PCDHGB3: variants seen among roughly 807,000 people sequenced by gnomAD.
The protein encoded by PCDHGB3 is protocadherin gamma subfamily B, 3.
PCDHGB3 carries 40 observed loss-of-function variants against 59.2 expected under a neutral mutation model. The ratio of observed to expected loss-of-function variants is 0.68; its 90% confidence interval spans 0.52 to 0.88. PCDHGB3 has a LOEUF of 0.88. Among genes scored for constraint, PCDHGB3 ranks in the 40% least tolerant of loss-of-function variants. The pLI, the probability that PCDHGB3 is intolerant of heterozygous loss-of-function variation, is 0.00. For synonymous variants in PCDHGB3, 581 were observed against 503.6 expected, an observed-to-expected ratio of 1.15 and a Z score of -2.06; for missense variants, 1,309 against 1,187.9, an observed-to-expected ratio of 1.10 and a Z score of -1.50.
In PCDHGB3 at chr5:141,423,089, G is replaced by C. The variant is rs201821221; in HGVS notation, c.2415+50280G>C. The stretch of plus-strand genomic sequence containing the variant: ...AGCGAGCCGGGACTCTTCGCGGTGG[G>C]GGAGCACACGGGCGAGGTGCGTACA... On this transcript the variant is annotated intron_variant, in intron 1 of 3. Transcript: ENST00000576222. 4.0e-5 allele frequency: 65 copies of C among 1,614,016 alleles called. No individual in the cohort carries two copies. In the African/African-American group the frequency reaches 7.2e-4, roughly 18 times the overall value.
At position 141,489,369 on chromosome 5, in the gene PCDHGB3, G is replaced by T; in HGVS notation, c.2416-5438G>T. ...TGGTGGAGGAGTCTGAGCCGGGGAC[G>T]CTGGTGGGGAATGTTGCTCAGGATC... On this transcript the variant is annotated intron_variant, in intron 1 of 3. Coordinates refer to ENST00000576222, the MANE Select transcript of PCDHGB3 (RefSeq NM_018924.5). This position sits in a 1 kb window ranked among gnomAD's most constrained non-coding sequence, Gnocchi z 4.5. 6.2e-7 allele frequency: 1 copy of T among 1,613,592 alleles called. No homozygotes were observed.
chr5:141,402,352 T>G (rs949706048), intron 1 of PCDHGB3, among the ~76,000 whole-genome samples: 1 of 151,978 alleles, frequency 6.6e-6, no homozygotes, highest in Non-Finnish European at 1.5e-5. Flanking sequence ...AAATTAAAAA[T>G]GAATGTACTT....
intron 1 of PCDHGB3, among the ~76,000 whole-genome samples, chr5:141,465,276 C>A (rs558169180): frequency 6.6e-6 from 1 of 152,254 alleles, no homozygotes; most frequent in South Asian, 2.1e-4. Context: ...CCATTTAGTT[C>A]ACCCCTAAAG....
At position 141,486,791 on chromosome 5, in the gene PCDHGB3, C is replaced by T. The variant is rs766519569; in HGVS notation, c.2416-8016C>T. 1.8e-5 allele frequency: 29 copies of T among 1,614,108 alleles called. No homozygotes were observed. The highest frequency in any genetic ancestry group is 2.2e-5 in the Non-Finnish European group (26 of 1,180,054). On this transcript the variant is annotated intron_variant, in intron 1 of 3. Coordinates refer to ENST00000576222, the MANE Select transcript of PCDHGB3 (RefSeq NM_018924.5). The surrounding 1 kb of genome is among the most constrained non-coding windows in gnomAD (Gnocchi z 5.0). ...GCAGTTTGAGGTGCAGGCCCGGGAT[C>T]GGGGCAACCCACCCCTTAGCAGCAC...
chr5:141,409,462 C>T (rs377705841), intron 1 of PCDHGB3: 3 of 1,613,988 alleles, frequency 1.9e-6, no homozygotes, highest in Non-Finnish European at 2.5e-6. Flanking sequence ...AATACAATGT[C>T]ACCATCGTAG....
intron 1 of PCDHGB3, among the ~76,000 whole-genome samples, chr5:141,444,315 G>A (rs2098431855): frequency 6.6e-6 from 1 of 151,946 alleles, no homozygotes; most frequent in South Asian, 2.1e-4. Flanking sequence ...AGGATTACAG[G>A]CATGTGCCAC....
rs545544226 is a variant in PCDHGB3, at chr5:141,376,066, C to T, written c.2415+3257C>T. 2.3e-5 allele frequency: 37 copies of T among 1,613,396 alleles called. 2 individuals are homozygous for T. The South Asian group carries it at 3.6e-4, about 16-fold the overall frequency. ...CTCTCTCCGCCACTGTCACGCTCACCGTGGCCGTGGCCGACAGGATCCCCG... is the reference window on the plus strand; with the variant it reads ...CTCTCTCCGCCACTGTCACGCTCACTGTGGCCGTGGCCGACAGGATCCCCG... On this transcript the variant is annotated intron_variant, in intron 1 of 3. Transcript: ENST00000576222.
At chr5:141,510,353 C>T (rs74759939) in intron 3 of PCDHGB3, among the ~76,000 whole-genome samples, 2 of 146,504 alleles carry the variant, frequency 1.4e-5, no homozygotes, top group African/African-American at 5.0e-5. Context: ...CACTTACTAA[C>T]GGAACTACCG....
At position 141,499,506 on chromosome 5, in the gene PCDHGB3, CA is replaced by C. The variant is rs759983739; in HGVS notation, c.2474+4644del. Among the ~76,000 whole-genome samples, 6 of 152,086 alleles carry C rather than the reference CA, an allele frequency of 3.9e-5. No homozygotes were observed. The South Asian group carries it at 1.0e-3, about 26-fold the overall frequency. On this transcript the variant is annotated intron_variant, in intron 2 of 3. Coordinates refer to ENST00000576222, the MANE Select transcript of PCDHGB3 (RefSeq NM_018924.5). Reference sequence around the variant, plus strand: ...AACTACAGTTTAATATGAAACATTTCAAATATGTACAAAAGTAGAGAGAATG... The same window carrying C: ...AACTACAGTTTAATATGAAACATTTCAATATGTACAAAAGTAGAGAGAATG...
chr5:141,422,499 A>G lies in PCDHGB3; in HGVS notation c.2415+49690A>G. 3 of 1,614,036 alleles carry G rather than the reference A, an allele frequency of 1.9e-6. No homozygotes were observed. The South Asian group carries it at 3.3e-5, about 18-fold the overall frequency. On this transcript the variant is annotated intron_variant, in intron 1 of 3. Coordinates refer to ENST00000576222, the MANE Select transcript of PCDHGB3 (RefSeq NM_018924.5). ...TCCAGAGCTACAATATAACGTTGAC[A>G]GCCACAGACCAGGGAAGCCCGCCTT...
chr5:141,431,389 G>T lies in PCDHGB3; in HGVS notation c.2415+58580G>T, dbSNP rs1213370298. 1 of 1,613,876 alleles carries T rather than the reference G, an allele frequency of 6.2e-7. No homozygotes were observed. Among genetic ancestry groups the T allele is most frequent in the Admixed American group, 1.7e-5 (1 of 60,028 alleles). On this transcript the variant is annotated intron_variant, in intron 1 of 3. Transcript: ENST00000576222. This position sits in a 1 kb window ranked among gnomAD's most constrained non-coding sequence, Gnocchi z 4.8. ...GCGAAGAAAAGGCTGCTCACCACCT[G>T]GTCCTTACGGCCTCCGACGGGGGCG...
intron 1 of PCDHGB3, chr5:141,389,664 G>A (rs1182835621): frequency 5.0e-6 from 8 of 1,612,210 alleles, no homozygotes; most frequent in Admixed American, 1.7e-5. Context: ...GGCGGTGGAC[G>A]CAGACTCAGG....
chr5:141,463,535 G>A (rs1178825067), intron 1 of PCDHGB3, among the ~76,000 whole-genome samples: 4 of 137,928 alleles, frequency 2.9e-5, no homozygotes, highest in East Asian at 2.3e-4. Context: ...TAGAAACTCC[G>A]GCTCCCGGGT....
chr5:141,438,623 TATATATATATATACACAC>T (rs1435936123), intron 1 of PCDHGB3, among the ~76,000 whole-genome samples: 532 of 42,826 alleles, frequency 0.012, 5 homozygotes, highest in African/African-American at 0.075. Flanking sequence ...TATATATATA[TATATATATATATACACAC>T]ACACACACAC....
chr5:141,375,603 T>C, intron 1 of PCDHGB3: 4 of 1,614,158 alleles, frequency 2.5e-6, no homozygotes, highest in South Asian at 1.1e-5. Flanking sequence ...TACGTGTCCA[T>C]CAACTCCGAC....
At chr5:141,394,311 C>G in intron 1 of PCDHGB3, 3 of 1,613,986 alleles carry the variant, frequency 1.9e-6, no homozygotes, top group Non-Finnish European at 1.7e-6. Context: ...GCAGGGGGCG[C>G]CCCTGTCCTC....
rs143939286 is a variant in PCDHGB3 at position 141,427,522 on chromosome 5, T to C, written c.2415+54713T>C. 6.1e-3 allele frequency: 3,716 copies of C among 607,796 alleles called. 27 individuals are homozygous for C. The highest frequency in any genetic ancestry group is 8.8e-3 in the Non-Finnish European group (2,868 of 324,656). The allele number at this position is 607,796 out of a possible 1,614,324, so 37.7% of individuals were successfully genotyped here. A position where few individuals can be genotyped will look rare whatever the true frequency, so the allele number is the denominator to read the frequency against. On this transcript the variant is annotated intron_variant, in intron 1 of 3. Transcript: ENST00000576222. ...GATGGGACCCTGGATTGGGAGCGGATCCCGGAGTACAACGTCACCATCACT... is the reference window on the plus strand; with the variant it reads ...GATGGGACCCTGGATTGGGAGCGGACCCCGGAGTACAACGTCACCATCACT...
At chr5:141,480,414 C>CA (rs10712552) in intron 1 of PCDHGB3, among the ~76,000 whole-genome samples, 44 of 147,474 alleles carry the variant, frequency 3.0e-4, no homozygotes, top group Non-Finnish European at 4.4e-4. Context: ...GACCCTGTCT[C>CA]AAAAAAAAAA....
chr5:141,480,102 T>C (rs568342271), intron 1 of PCDHGB3, among the ~76,000 whole-genome samples: 1 of 152,320 alleles, frequency 6.6e-6, no homozygotes, highest in South Asian at 2.1e-4. Flanking sequence ...GCAAAGTGTT[T>C]AGCATGGTGC....
Sources: gnomAD v4.1 joint callset for allele counts (sites outside exome capture counted in the v4.1 genomes callset) on GRCh38, gnomAD v4.1.1 for gene constraint, Gnocchi (gnomAD v3.1) non-coding constraint, MANE v1.5 for transcripts, NCBI Gene and HGNC (gene_info 2026-07-23, HGNC 2026-07-21) for gene names.